The following CDK12 variants were observed in gnomAD, a reference collection of about 807,000 sequenced individuals.
CDK12 encodes the protein cyclin-dependent kinase 12.
In CDK12, 17 loss-of-function variants were observed where a neutral mutation model predicts 133.8. That is an observed-to-expected ratio of 0.13 (90% CI 0.09 to 0.19). The LOEUF (loss-of-function observed/expected upper bound fraction) is 0.19, where lower values mean the gene tolerates loss of function less well. Ranked by LOEUF, CDK12 falls within the 10% of genes least tolerant of loss-of-function variation. The pLI, the probability that CDK12 is intolerant of heterozygous loss-of-function variation, is 1.00. For synonymous variants in CDK12, 694 were observed against 683.6 expected (o/e 1.02, Z -0.24); for missense variants, 1,508 against 1,818.7 (o/e 0.83, Z 3.11).
At chr17:39,480,799 C>T (rs912817510) in intron 2 of CDK12, among the ~76,000 whole-genome samples, 2 of 152,146 alleles carry the variant, frequency 1.3e-5, no homozygotes, top group Admixed American at 6.6e-5. Context: ...AGAGTGAATT[C>T]AGCTAATGGT....
In CDK12 at chr17:39,531,071, T is replaced by C. The variant is rs150150381; in HGVS notation, c.4228T>C (p.Leu1410=). The C allele has an allele frequency of 2.0e-4, 315 of 1,609,710 alleles. No individual in the cohort carries two copies. Among genetic ancestry groups the C allele is most frequent in the Non-Finnish European group, 2.5e-4 (293 of 1,178,264 alleles). The change falls in exon 14 of 14, where the codon TTA becomes CTA. Residue 1410 remains leucine, a synonymous_variant. Transcript: ENST00000447079. ...GGACCTCCGTTTTGCCAGGGTCCCCTTAGCGTTACACCCGGTGGTCGGGCA... is the reference window on the plus strand; with the variant it reads ...GGACCTCCGTTTTGCCAGGGTCCCCCTAGCGTTACACCCGGTGGTCGGGCA... ...DQDLRFARVP[L]ALHPVVGQPF... is the part of the protein sequence containing the mutation.
intron 5 of CDK12, among the ~76,000 whole-genome samples, chr17:39,497,985 T>TTC (rs887882866): frequency 6.7e-6 from 1 of 148,646 alleles, no homozygotes; most frequent in Non-Finnish European, 1.5e-5. Context: ...CCCTCTCTCT[T>TTC]TCTCTCTCTC....
intron 1 of CDK12, among the ~76,000 whole-genome samples, chr17:39,463,382 G>A (rs138447442): frequency 2.0e-5 from 3 of 152,286 alleles, no homozygotes; most frequent in Admixed American, 2.0e-4. Flanking sequence ...AAACGTCAAA[G>A]GCTTCTGCTT....
chr17:39,539,950 A>G (rs2055332136), intron 1 of CDK12, among the ~76,000 whole-genome samples: 1 of 152,216 alleles, frequency 6.6e-6, no homozygotes, highest in Non-Finnish European at 1.5e-5. Flanking sequence ...AAGTTGGAGG[A>G]GCAATCTCAT....
chr17:39,480,573 T>C (rs183453382), intron 2 of CDK12, among the ~76,000 whole-genome samples: 7 of 152,068 alleles, frequency 4.6e-5, no homozygotes, highest in African/African-American at 1.2e-4. Flanking sequence ...TCCCAAGTAG[T>C]TGGGATTCCA....
chr17:39,524,615 TC>T, intron 11 of CDK12, 58 bp from the exon 12 acceptor site: 1 of 1,387,960 alleles, frequency 7.2e-7, no homozygotes, highest in South Asian at 1.2e-5. Context: ...CCTTTGCTCC[TC>T]CATTCATTCA....
At chr17:39,522,089 C>G (rs2054208660) in intron 11 of CDK12, among the ~76,000 whole-genome samples, 1 of 151,912 alleles carries the variant, frequency 6.6e-6, no homozygotes, top group African/African-American at 2.4e-5. Flanking sequence ...CAGAGATAGT[C>G]CCAGTTTTTT....
At chr17:39,555,199 C>T (rs1231005469) in intron 2 of CDK12, among the ~76,000 whole-genome samples, 4 of 151,990 alleles carry the variant, frequency 2.6e-5, no homozygotes, top group Admixed American at 6.6e-5. Context: ...GAGCCGAGAT[C>T]GCACCACTGC....
At chr17:39,495,750 G>A (rs896617249) in intron 5 of CDK12, among the ~76,000 whole-genome samples, 2 of 149,012 alleles carry the variant, frequency 1.3e-5, no homozygotes, top group South Asian at 2.1e-4. Context: ...AGCCAAGATC[G>A]TGCCACTGCA....
At position 39,525,927 on chromosome 17, in the gene CDK12, A is replaced by G. The variant is rs1211083878; in HGVS notation, c.3371A>G (p.Gln1124Arg). 1 of 1,614,222 alleles carries G rather than the reference A, an allele frequency of 6.2e-7. No individual in the cohort carries two copies. The highest frequency in any genetic ancestry group is 1.7e-5 in the Admixed American group (1 of 60,016). ...SELAVLLNLL[Q>R]SQTDLSIPQM... The stretch of plus-strand genomic sequence containing the variant: ...TTGGCAGTGTTATTAAACCTGCTGC[A>G]GAGCCAAACCGACCTGAGCATCCCT... Residue 1124 changes from glutamine to arginine, a missense_variant, in exon 13 of 14, where the codon CAG becomes CGG. Gln to Arg is a conservative substitution (Grantham distance 43). Around this residue, in one of 9 missense-constraint regions of CDK12, gnomAD observed 399 missense variants for 469.6 expected, o/e 0.85. Transcript: ENST00000447079.
At chr17:39,479,924 CTTTT>C (rs67125473) in intron 2 of CDK12, among the ~76,000 whole-genome samples, 10 of 140,908 alleles carry the variant, frequency 7.1e-5, no homozygotes, top group Admixed American at 7.1e-5. Flanking sequence ...ACTGCACTGG[CTTTT>C]TTTTTTTTTT....
rs2051726358 is a variant in CDK12, at chr17:39,492,620, A to G, written c.2109-131A>G. On this transcript the variant is annotated intron_variant, in intron 3 of 13. Transcript: ENST00000447079. ...AAGACGGGGTTTCACCATGTTAGCCAGGATAGTCTCGATCTCCTGACCTCG... is the reference window on the plus strand; with the variant it reads ...AAGACGGGGTTTCACCATGTTAGCCGGGATAGTCTCGATCTCCTGACCTCG... The G allele has an allele frequency of 4.9e-5, 29 of 593,596 alleles. No homozygotes were observed. In the South Asian group the frequency reaches 6.4e-4, roughly 13 times the overall value. 36.8% of individuals were successfully genotyped at this position (593,596 alleles called of 1,614,324 possible).
In CDK12 at chr17:39,531,812, G is replaced by A; in HGVS notation, c.*496G>A. 4.3e-6 allele frequency: 1 copy of A among 234,252 alleles called. No homozygotes were observed. Among genetic ancestry groups the A allele is most frequent in the Non-Finnish European group, 8.4e-6 (1 of 118,438 alleles). The allele number at this position is 234,252 out of a possible 1,614,324, so 14.5% of individuals were successfully genotyped here. Reference sequence around the variant, plus strand: ...TTCACAAAATTTGAGCTGCTCTTTGGCTTTTGCTATAAGGGAAACAGAGTG... The same window carrying A: ...TTCACAAAATTTGAGCTGCTCTTTGACTTTTGCTATAAGGGAAACAGAGTG... On this transcript the variant is annotated 3_prime_UTR_variant, in exon 14 of 14. Transcript: ENST00000447079.
At chr17:39,479,738 T>C (rs2050489583) in intron 2 of CDK12, among the ~76,000 whole-genome samples, 2 of 151,878 alleles carry the variant, frequency 1.3e-5, no homozygotes, top group African/African-American at 4.8e-5. Context: ...GCAATTCTCC[T>C]GCCTCAGCCT....
intron 1 of CDK12, among the ~76,000 whole-genome samples, chr17:39,467,623 T>A (rs1305979304): frequency 6.6e-6 from 1 of 152,162 alleles, no homozygotes; most frequent in African/African-American, 2.4e-5. Context: ...CTTAGGAAGA[T>A]TTGGTCATGC....
intron 13 of CDK12, among the ~76,000 whole-genome samples, chr17:39,526,973 T>G (rs2054533766): frequency 6.6e-6 from 1 of 152,170 alleles, no homozygotes; most frequent in African/African-American, 2.4e-5. Flanking sequence ...TGGGGATAAG[T>G]TATACGTTAA....
At chr17:39,477,380 C>T (rs1433221130) in intron 2 of CDK12, among the ~76,000 whole-genome samples, 1 of 149,530 alleles carries the variant, frequency 6.7e-6, no homozygotes, top group African/African-American at 2.4e-5. Flanking sequence ...GGACTACAGG[C>T]GCATGCCACC....
chr17:39,480,222 C>G (rs185016533), intron 2 of CDK12, among the ~76,000 whole-genome samples: 135 of 151,260 alleles, frequency 8.9e-4, no homozygotes, highest in African/African-American at 3.1e-3. Context: ...CGTGTCCAGC[C>G]TAGAGGATTT....
At chr17:39,538,956 A>ATACATAC (rs1555582875), downstream of CDK12, among the ~76,000 whole-genome samples, 7 of 139,436 alleles carry the variant, frequency 5.0e-5, no homozygotes, top group South Asian at 2.3e-4. Flanking sequence ...TACATACATA[A>ATACATAC]GGCTAGTATC....
Sources: gnomAD v4.1 joint callset for allele counts (sites outside exome capture counted in the v4.1 genomes callset) on GRCh38, gnomAD v4.1.1 for gene constraint, gnomAD v4.1.1 regional missense constraint, MANE v1.5 for transcripts, NCBI Gene and HGNC (gene_info 2026-07-23, HGNC 2026-07-21) for gene names.